The following HIPK2 variants were observed in gnomAD, a reference collection of about 807,000 sequenced individuals.
HIPK2 encodes the protein homeodomain-interacting protein kinase 2.
Under a neutral mutation model 113.7 loss-of-function variants are expected in HIPK2, and 27 were observed. That is an observed-to-expected ratio of 0.24 (90% CI 0.17 to 0.33). The LOEUF (loss-of-function observed/expected upper bound fraction) is 0.33, where lower values mean the gene tolerates loss of function less well. Ranked by LOEUF, HIPK2 falls within the 10% of genes least tolerant of loss-of-function variation. HIPK2 has a pLI of 1.00. For missense variants in HIPK2, 1,257 were observed against 1,588.0 expected, an observed-to-expected ratio of 0.79 and a Z score of 3.54; for synonymous variants, 631 against 642.2, an observed-to-expected ratio of 0.98 and a Z score of 0.26.
At chr7:139,594,332 C>T (rs1799124965) in intron 12 of HIPK2, among the ~76,000 whole-genome samples, 1 of 152,208 alleles carries the variant, frequency 6.6e-6, no homozygotes, top group Non-Finnish European at 1.5e-5. Context: ...AAACTGTCTA[C>T]CTTATTTATG....
Position 139,573,089 on chromosome 7 carries a change from G to A in HIPK2, c.3435C>T (p.Pro1145=), listed in dbSNP as rs757132320. 7 of 1,611,868 alleles carry A rather than the reference G, an allele frequency of 4.3e-6. No individual in the cohort carries two copies. Among genetic ancestry groups the A allele is most frequent in the East Asian group, 2.2e-5 (1 of 44,796 alleles). The change falls in exon 15 of 15, where the codon CCC becomes CCT. Residue 1145 remains proline (P), a synonymous_variant. Coordinates refer to ENST00000406875, the MANE Select transcript of HIPK2 (RefSeq NM_022740.5). ...AYPASIVHQV[P]VSMGPRVLPS... ...GCAGGACCCGGGGGCCCATGCTCAC[G>A]GGGACCTGGTGGACGATGCTGGCTG...
intron 1 of HIPK2, among the ~76,000 whole-genome samples, chr7:139,734,079 G>A (rs1236822027): frequency 3.3e-5 from 5 of 152,326 alleles, no homozygotes; most frequent in Middle Eastern, 3.4e-3. Context: ...CACAATTAAC[G>A]TGGTTTAGTG....
chr7:139,677,980 G>A (rs1053060122), intron 2 of HIPK2, among the ~76,000 whole-genome samples: 1 of 152,188 alleles, frequency 6.6e-6, no homozygotes, highest in Non-Finnish European at 1.5e-5. Flanking sequence ...GTGATGATGA[G>A]CTTTTTTTCA....
intron 1 of HIPK2, among the ~76,000 whole-genome samples, chr7:139,747,612 C>T (rs1363876079): frequency 5.3e-5 from 8 of 152,216 alleles, no homozygotes; most frequent in Admixed American, 1.3e-4. Context: ...GAAAATTCTG[C>T]CTGTGTTACT....
At chr7:139,704,041 A>C (rs1794802102) in intron 2 of HIPK2, among the ~76,000 whole-genome samples, 1 of 23,348 alleles carries the variant, frequency 4.3e-5, no homozygotes, top group African/African-American at 1.0e-4. Context: ...TATATCCAAC[A>C]TACACACCCA....
At chr7:139,668,958 T>A (rs1056790436) in intron 2 of HIPK2, among the ~76,000 whole-genome samples, 1 of 151,918 alleles carries the variant, frequency 6.6e-6, no homozygotes, top group African/African-American at 2.4e-5. Context: ...AATAATCAAA[T>A]AACCATGAAA....
intron 2 of HIPK2, among the ~76,000 whole-genome samples, chr7:139,653,153 A>C (rs1030150328): frequency 2.6e-5 from 4 of 151,354 alleles, no homozygotes; most frequent in African/African-American, 9.7e-5. Context: ...AAAAAAAAAA[A>C]AAAAAAAAAC....
chr7:139,640,890 A>G (rs1490520270), intron 2 of HIPK2, among the ~76,000 whole-genome samples: 1 of 152,182 alleles, frequency 6.6e-6, no homozygotes, highest in African/African-American at 2.4e-5. Context: ...TGTTGGGATT[A>G]TGGGTATGAG....
At chr7:139,775,958 CA>C (rs1796734586) in intron 1 of HIPK2, among the ~76,000 whole-genome samples, 1 of 152,176 alleles carries the variant, frequency 6.6e-6, no homozygotes, top group Non-Finnish European at 1.5e-5. Context: ...TTCCTTCTCT[CA>C]ACTCACCGGG....
chr7:139,632,951 C>G (rs1800670196), intron 2 of HIPK2, among the ~76,000 whole-genome samples: 1 of 151,814 alleles, frequency 6.6e-6, no homozygotes, highest in Non-Finnish European at 1.5e-5. Flanking sequence ...CCCAAATTAG[C>G]AGGGTGCGGT....
rs189134310 is a variant in HIPK2 at position 139,686,384 on chromosome 7, A to G, written c.1103+29548T>C. 4.6e-4 allele frequency among the ~76,000 whole-genome samples: 70 copies of G among 152,350 alleles called. No homozygotes were observed. The Middle Eastern group carries it at 0.017, about 37-fold the overall frequency. On this transcript the variant is annotated intron_variant, in intron 2 of 14. Transcript: ENST00000406875. ...CTGTGAATATTGTTGAAATGATAAC[A>G]AAGGATTTAGAATATTTGATATGGT...
Position 139,777,683 on chromosome 7 carries a change from G to C in HIPK2, c.-60C>G. 1 of 1,057,750 alleles carries C rather than the reference G, an allele frequency of 9.5e-7. No homozygotes were observed. The allele number at this position is 1,057,750 out of a possible 1,614,324, so 65.5% of individuals were successfully genotyped here. ...GACGGGAAAGCGGCGCGCGAGCTCG[G>C]CCCCCCCAGCCTCAGTCGGAATCTG... On this transcript the variant is annotated 5_prime_UTR_variant, in exon 1 of 15. Transcript: ENST00000406875.
intron 2 of HIPK2, among the ~76,000 whole-genome samples, chr7:139,632,781 A>G (rs1376068593): frequency 6.6e-6 from 1 of 152,078 alleles, no homozygotes; most frequent in Non-Finnish European, 1.5e-5. Flanking sequence ...GTTTTTTTAA[A>G]AAAATATGTC....
rs1001547150 is a variant in HIPK2, at chr7:139,777,827, C to G, written c.-204G>C. On this transcript the variant is annotated 5_prime_UTR_variant, in exon 1 of 15. Transcript: ENST00000406875. The stretch of plus-strand genomic sequence containing the variant: ...GGCGCGCCGCCGCCGCCGCCGCCGC[C>G]GCTGCCGCCCGGGCCCGGCGCGGGG... The G allele has an allele frequency of 4.9e-6, 1 of 205,720 alleles. No homozygotes were observed. Among genetic ancestry groups the G allele is most frequent in the Admixed American group, 6.9e-5 (1 of 14,428 alleles). 12.7% of individuals were successfully genotyped at this position (205,720 alleles called of 1,614,324 possible).
At chr7:139,715,905 C>A in intron 2 of HIPK2, 27 bp downstream of exon 2, 1 of 1,598,908 alleles carries the variant, frequency 6.3e-7, no homozygotes, top group South Asian at 1.1e-5. Context: ...CATTCAGCAG[C>A]TCCTGTCTCC....
Position 139,567,394 on chromosome 7 carries a change from A to T in HIPK2, c.*5533T>A, listed in dbSNP as rs1939165731. ...AATAGCACAGTTTTGAAATAAATGC[A>T]TTTTTTTTTTTTAAAAAAAAGGACA... On this transcript the variant is annotated 3_prime_UTR_variant, in exon 15 of 15. Transcript: ENST00000406875. 2 of 147,304 alleles carry T rather than the reference A, an allele frequency of 1.4e-5. No homozygotes were observed. Among genetic ancestry groups the T allele is most frequent in the East Asian group, 2.0e-4 (1 of 5,056 alleles). The allele number at this position is 147,304 out of a possible 1,614,324, so 9.1% of individuals were successfully genotyped here.
intron 12 of HIPK2, among the ~76,000 whole-genome samples, chr7:139,584,472 T>C (rs1451922535): frequency 6.6e-6 from 1 of 152,190 alleles, no homozygotes; most frequent in Admixed American, 6.5e-5. Context: ...CCCAGCAACC[T>C]GGGGACCTGG....
intron 1 of HIPK2, among the ~76,000 whole-genome samples, chr7:139,736,137 G>A (rs1795932088): frequency 6.6e-6 from 1 of 152,142 alleles, no homozygotes; most frequent in African/African-American, 2.4e-5. Flanking sequence ...ATGTGGCCAG[G>A]GGCTTGGCAC....
At chr7:139,575,359 G>C in intron 13 of HIPK2, 71 bp from the exon 14 acceptor site, 1 of 1,463,968 alleles carries the variant, frequency 6.8e-7, no homozygotes, top group Non-Finnish European at 9.2e-7. Context: ...TACCCCACCA[G>C]AGAACAGTGG....
Sources: gnomAD v4.1 joint callset for allele counts (sites outside exome capture counted in the v4.1 genomes callset) on GRCh38, gnomAD v4.1.1 for gene constraint, MANE v1.5 for transcripts, NCBI Gene and HGNC (gene_info 2026-07-23, HGNC 2026-07-21) for gene names.